NRG1: variants seen among roughly 807,000 people sequenced by gnomAD.
The protein encoded by NRG1 is pro-neuregulin-1, membrane-bound isoform.
A neutral mutation model predicts 63.8 loss-of-function variants in NRG1; 18 were observed. The observed-to-expected ratio is 0.28, with a 90% CI of 0.19 to 0.42. The LOEUF (loss-of-function observed/expected upper bound fraction) is 0.42, where lower values mean the gene tolerates loss of function less well. Among genes scored for constraint, NRG1 ranks in the 10% least tolerant of loss-of-function variants. The pLI, the probability that NRG1 is intolerant of heterozygous loss-of-function variation, is 1.00. For missense variants in NRG1, 762 were observed against 814.7 expected (o/e 0.94, Z 0.79); for synonymous variants, 302 against 301.3 (o/e 1.00, Z -0.02).
At chr8:32,642,896 T>C (rs1852699239) in intron 5 of NRG1, among the ~76,000 whole-genome samples, 1 of 152,212 alleles carries the variant, frequency 6.6e-6, no homozygotes, top group South Asian at 2.1e-4. Context: ...ATCATTCTCT[T>C]TCATCTGTTG....
chr8:32,124,662 A>G (rs1173129624), intron 1 of NRG1, among the ~76,000 whole-genome samples: 1 of 151,798 alleles, frequency 6.6e-6, no homozygotes, highest in African/African-American at 2.4e-5. Flanking sequence ...CTGTATCTAT[A>G]ACGTGAATTT....
At chr8:31,944,540 AT>A (rs1331443891) in intron 1 of NRG1, among the ~76,000 whole-genome samples, 3 of 152,140 alleles carry the variant, frequency 2.0e-5, no homozygotes, top group Non-Finnish European at 4.4e-5. Context: ...TTCTTTCTCC[AT>A]TTCAGGGCTC....
At chr8:32,645,501 A>G (rs73590640) in intron 5 of NRG1, among the ~76,000 whole-genome samples, 3,291 of 152,298 alleles carry the variant, frequency 0.022, 135 homozygotes, top group African/African-American at 0.076. Flanking sequence ...ATTATGGACT[A>G]ATTTCATCTT....
At chr8:32,415,490 C>G (rs368627854) in intron 1 of NRG1, among the ~76,000 whole-genome samples, 23 of 148,134 alleles carry the variant, frequency 1.6e-4, no homozygotes, top group African/African-American at 5.7e-4. Context: ...TTGTCATTTT[C>G]TTCAGTGATT....
chr8:31,766,299 T>C (rs1818052005), intron 1 of NRG1, among the ~76,000 whole-genome samples: 1 of 152,206 alleles, frequency 6.6e-6, no homozygotes, highest in Non-Finnish European at 1.5e-5. Context: ...AGTTGTATCC[T>C]GAGCTGTCGT....
chr8:31,900,592 G>A (rs966946716), intron 1 of NRG1, among the ~76,000 whole-genome samples: 2 of 152,222 alleles, frequency 1.3e-5, no homozygotes, highest in African/African-American at 4.8e-5. Context: ...CAAATAAATT[G>A]GACAGGTCAT....
intron 5 of NRG1, among the ~76,000 whole-genome samples, chr8:32,678,011 A>G (rs1426757619): frequency 6.6e-6 from 1 of 152,142 alleles, no homozygotes; most frequent in East Asian, 1.9e-4. Flanking sequence ...CTATTTACAA[A>G]AATCCTCTAA....
intron 1 of NRG1, among the ~76,000 whole-genome samples, chr8:32,279,227 G>A (rs1008820883): frequency 4.6e-5 from 7 of 152,146 alleles, no homozygotes; most frequent in African/African-American, 1.7e-4. Flanking sequence ...GTGCCTTTAT[G>A]TGCCATACCG....
intron 1 of NRG1, among the ~76,000 whole-genome samples, chr8:32,365,063 A>G (rs1245559328): frequency 6.8e-6 from 1 of 147,194 alleles, no homozygotes; most frequent in Non-Finnish European, 1.5e-5. Context: ...GGCTCAAGCA[A>G]TCTGCCCACA....
chr8:32,233,540 TATATATATATA>T lies in NRG1; in HGVS notation c.38-362287_38-362277del, dbSNP rs1289294412. Among the ~76,000 whole-genome samples, 240 of 54,124 alleles carry T rather than the reference TATATATATATA, an allele frequency of 4.4e-3. 1 individual carries two copies. The highest frequency in any genetic ancestry group is 0.03 in the African/African-American group (228 of 7,678). The allele number at this position is 54,124 out of a possible 152,430, so 35.5% of individuals were successfully genotyped here. ...CTGTTGCTCATAACTCGAAAGAATA[TATATATATATA>T]TATATATATATATTTTTTTTTTTTT... On this transcript the variant is annotated intron_variant, in intron 1 of 10. Coordinates refer to the NRG1 transcript ENST00000519301.
chr8:31,693,243 G>A (rs1419008942), intron 1 of NRG1, among the ~76,000 whole-genome samples: 2 of 152,212 alleles, frequency 1.3e-5, no homozygotes, highest in Non-Finnish European at 2.9e-5. Flanking sequence ...GCTGAGGGGA[G>A]CAGTCCTTGA....
chr8:32,754,574 G>GAAA, intron 8 of NRG1, 100 bp downstream of exon 8: 1 of 1,075,988 alleles, frequency 9.3e-7, no homozygotes, highest in Admixed American at 2.2e-5. Flanking sequence ...TAGTCTTGGG[G>GAAA]ATAAAAAAAA....
intron 7 of NRG1, chr8:32,749,409 GCTT>G: frequency 1.2e-6 from 1 of 805,378 alleles, no homozygotes; most frequent in Non-Finnish European, 2.1e-6. Flanking sequence ...CCTGAGCACT[GCTT>G]CTTAACCACA....
At chr8:32,359,664 A>G (rs1477523650) in intron 1 of NRG1, among the ~76,000 whole-genome samples, 1 of 152,204 alleles carries the variant, frequency 6.6e-6, no homozygotes, top group African/African-American at 2.4e-5. Context: ...TCTGTCCAAA[A>G]TATTCCTCTT....
intron 6 of NRG1, among the ~76,000 whole-genome samples, chr8:32,731,460 G>A (rs927008834): frequency 6.7e-6 from 1 of 149,630 alleles, no homozygotes; most frequent in African/African-American, 2.5e-5. Context: ...AATTATTACT[G>A]GATCTTATCA....
At chr8:32,482,790 G>A (rs375511718) in intron 1 of NRG1, among the ~76,000 whole-genome samples, 3 of 152,284 alleles carry the variant, frequency 2.0e-5, no homozygotes, top group African/African-American at 7.2e-5. Flanking sequence ...GAGCTGTGGG[G>A]GAAGAGGGTG....
chr8:31,898,017 C>CA (rs34246447), intron 1 of NRG1, among the ~76,000 whole-genome samples: 39,063 of 125,660 alleles, frequency 0.31, 7,202 homozygotes, highest in East Asian at 0.71. Context: ...AATTCTATCT[C>CA]AAAAAAAAAA....
intron 1 of NRG1, among the ~76,000 whole-genome samples, chr8:32,580,887 G>A (rs1344354414): frequency 6.6e-6 from 1 of 152,072 alleles, no homozygotes; most frequent in African/African-American, 2.4e-5. Flanking sequence ...AATATTAGTT[G>A]GTTATATACT....
chr8:32,475,226 G>C (rs772779763), intron 1 of NRG1, among the ~76,000 whole-genome samples: 4 of 151,988 alleles, frequency 2.6e-5, no homozygotes, highest in Non-Finnish European at 5.9e-5. Context: ...TAGAACTTTG[G>C]GAGGCTGAGG....
Sources: allele counts gnomAD v4.1 joint callset (sites outside exome capture counted in the v4.1 genomes callset), GRCh38; gene constraint gnomAD v4.1.1; transcripts MANE v1.5; gene names NCBI Gene and HGNC (gene_info 2026-07-23, HGNC 2026-07-21).